The following SLC7A11 variants were observed in gnomAD, a reference collection of about 807,000 sequenced individuals.
SLC7A11 encodes cystine/glutamate transporter.
Under a neutral mutation model 54.5 loss-of-function variants are expected in SLC7A11, and 35 were observed. The ratio of observed to expected loss-of-function variants is 0.64; its 90% CI spans 0.49 to 0.85. The LOEUF is 0.85. Among genes scored for constraint, SLC7A11 ranks in the 40% least tolerant of loss-of-function variants. The pLI, the probability that SLC7A11 is intolerant of heterozygous loss-of-function variation, is 0.00. For synonymous variants in SLC7A11, 230 were observed against 225.2 expected (o/e 1.02, Z -0.19); for missense variants, 583 against 618.1 (o/e 0.94, Z 0.60).
At position 138,228,858 on chromosome 4, in the gene SLC7A11, C is replaced by G. The variant is rs144126991; in HGVS notation, c.520+3409G>C. On this transcript the variant is annotated intron_variant, in intron 3 of 11. Transcript: ENST00000280612. ...AAATCTATAAGATTTTCCATCTTAA[C>G]TTCCACGCACCTGACATGTTTACTG... Among the ~76,000 whole-genome samples the G allele has an allele frequency of 1.3e-3, 202 of 150,116 alleles. 1 individual carries two copies. Among genetic ancestry groups the G allele is most frequent in the East Asian group, 6.3e-3 (32 of 5,072 alleles).
chr4:138,182,643 G>A (rs373169788), intron 8 of SLC7A11, among the ~76,000 whole-genome samples: 1 of 152,066 alleles, frequency 6.6e-6, no homozygotes, highest in African/African-American at 2.4e-5. Flanking sequence ...ACTCAGCATA[G>A]CTCTCTCTAC....
intron 6 of SLC7A11, among the ~76,000 whole-genome samples, chr4:138,206,617 A>G (rs1489899415): frequency 6.6e-6 from 1 of 151,880 alleles, no homozygotes; most frequent in South Asian, 2.1e-4. Flanking sequence ...TTCTTTGATT[A>G]CCCCATGATA....
chr4:138,219,311 C>T lies in SLC7A11; in HGVS notation c.701G>A (p.Arg234Gln), dbSNP rs542538923. ...TCCATAATAAAAAGCCAGTGGCAAC[C>T]GCGTAATACTTGAATCTCTTCCTGA... ...AFSGRDSSIT[R>Q]LPLAFYYGMY... The change falls in exon 5 of 12, where the codon CGG becomes CAG. Residue 234 changes from arginine (R) to glutamine (Q), a missense_variant. By Grantham distance (43) the Arg-to-Gln change is conservative. Transcript: ENST00000280612. 30 of 1,611,264 alleles carry T rather than the reference C, an allele frequency of 1.9e-5. No individual in the cohort carries two copies. Among genetic ancestry groups the T allele is most frequent in the South Asian group, 5.5e-5 (5 of 90,928 alleles).
At chr4:138,228,485 G>T (rs58770357) in intron 3 of SLC7A11, among the ~76,000 whole-genome samples, 2 of 151,874 alleles carry the variant, frequency 1.3e-5, no homozygotes, top group Non-Finnish European at 2.9e-5. Flanking sequence ...CAGGTCGGGC[G>T]CGATGGCTCA....
At chr4:138,197,654 A>G (rs1020172285) in intron 6 of SLC7A11, among the ~76,000 whole-genome samples, 52 of 152,112 alleles carry the variant, frequency 3.4e-4, no homozygotes, top group African/African-American at 1.2e-3. Flanking sequence ...CACTATACAG[A>G]TTCTCTTCAT....
Position 138,211,195 on chromosome 4 carries a change from C to T in SLC7A11, c.791+3390G>A, listed in dbSNP as rs1737539583. Among the ~76,000 whole-genome samples the T allele has an allele frequency of 2.6e-5, 4 of 151,750 alleles. No individual in the cohort carries two copies. In the South Asian group the frequency reaches 8.3e-4, roughly 31 times the overall value. ...ATAATTGGGAGGTAAACATTGGGTA[C>T]TCATGAACACATAGACGGGAACAAT... is the stretch of plus-strand genomic sequence containing the variant. On this transcript the variant is annotated intron_variant, in intron 6 of 11. Coordinates refer to ENST00000280612, the MANE Select transcript of SLC7A11 (RefSeq NM_014331.4).
At chr4:138,205,233 C>T (rs1240503361) in intron 6 of SLC7A11, among the ~76,000 whole-genome samples, 1 of 151,952 alleles carries the variant, frequency 6.6e-6, no homozygotes, top group Non-Finnish European at 1.5e-5. Context: ...TGAACCAGTG[C>T]TATTTTCAAA....
At chr4:138,209,931 G>A (rs1019438896) in intron 6 of SLC7A11, among the ~76,000 whole-genome samples, 1 of 151,848 alleles carries the variant, frequency 6.6e-6, no homozygotes, top group Non-Finnish European at 1.5e-5. Flanking sequence ...AGCCTAAATA[G>A]GCAAAGCAAC....
Position 138,168,994 on chromosome 4 carries a change from A to C in SLC7A11, c.*2962T>G, listed in dbSNP as rs1286424425. On this transcript the variant is annotated 3_prime_UTR_variant, in exon 12 of 12. Transcript: ENST00000280612. The stretch of plus-strand genomic sequence containing the variant: ...AAATCAAGTTGTGTTTTAGCTTTAG[A>C]ATCTTTTAAAATCACAAGTATTTGA... The C allele has an allele frequency of 2.6e-5, 4 of 152,174 alleles. No individual in the cohort carries two copies. Among genetic ancestry groups the C allele is most frequent in the Non-Finnish European group, 5.9e-5 (4 of 68,036 alleles). The allele number at this position is 152,174 out of a possible 1,614,324, so 9.4% of individuals were successfully genotyped here. A position where few individuals can be genotyped will look rare whatever the true frequency, so the allele number is the denominator to read the frequency against.
chr4:138,177,033 A>T (rs1229940742), intron 11 of SLC7A11: 1 of 152,108 alleles, frequency 6.6e-6, no homozygotes, highest in Non-Finnish European at 1.5e-5. Context: ...GTATAGTAAC[A>T]TTTCTTTGGG....
chr4:138,212,042 CAA>C (rs1203934209), intron 6 of SLC7A11, among the ~76,000 whole-genome samples: 1 of 151,638 alleles, frequency 6.6e-6, no homozygotes, highest in Non-Finnish European at 1.5e-5. Context: ...ATTCTCAACA[CAA>C]AAAAAGATAC....
At chr4:138,234,100 C>T (rs143949580) in intron 2 of SLC7A11, among the ~76,000 whole-genome samples, 98 of 152,310 alleles carry the variant, frequency 6.4e-4, no homozygotes, top group African/African-American at 2.3e-3. Context: ...TTTCCTCCCA[C>T]TTGACTCTGA....
Position 138,242,331 on chromosome 4 carries a change from C to T in SLC7A11, c.-262G>A. On this transcript the variant is annotated 5_prime_UTR_variant, in exon 1 of 12. Transcript: ENST00000280612. ...CCACTGCTGCTGCTGCTGCTGCTGC[C>T]GCCCTATCATTACAAACCAGCTCAG... 1 of 510,398 alleles carries T rather than the reference C, an allele frequency of 2.0e-6. No homozygotes were observed. The highest frequency in any genetic ancestry group is 3.6e-5 in the East Asian group (1 of 27,696). The allele number at this position is 510,398 out of a possible 1,614,324, so 31.6% of individuals were successfully genotyped here.
intron 6 of SLC7A11, among the ~76,000 whole-genome samples, chr4:138,209,840 T>C (rs921495139): frequency 2.6e-5 from 4 of 152,082 alleles, no homozygotes; most frequent in Non-Finnish European, 5.9e-5. Flanking sequence ...ACAGGTTCAA[T>C]GCTATTCCTA....
At chr4:138,216,829 T>C (rs1737692378) in intron 5 of SLC7A11, among the ~76,000 whole-genome samples, 1 of 152,194 alleles carries the variant, frequency 6.6e-6, no homozygotes, top group South Asian at 2.1e-4. Context: ...TATCAAACAT[T>C]GTCATAGCAG....
At position 138,180,731 on chromosome 4, in the gene SLC7A11, G is replaced by A. The variant is rs760062053; in HGVS notation, c.1176C>T (p.Leu392=). Residue 392 remains leucine, a synonymous_variant, in exon 10 of 12, where the codon CTC becomes CTT. Coordinates refer to ENST00000280612, the MANE Select transcript of SLC7A11 (RefSeq NM_014331.4). ...SGDLDSLLNF[L]SFARWLFIGL... is the part of the protein sequence containing the mutation. ...CAATAAAAAGCCACCTGGCAAAACT[G>A]AGGAAATTCAAAAGACTGTCGAGGT... 2 of 1,613,040 alleles carry A rather than the reference G, an allele frequency of 1.2e-6. No individual in the cohort carries two copies. The highest frequency in any genetic ancestry group is 8.5e-7 in the Non-Finnish European group (1 of 1,179,442).
chr4:138,173,398 G>T (rs1736485966), intron 11 of SLC7A11, among the ~76,000 whole-genome samples: 1 of 152,042 alleles, frequency 6.6e-6, no homozygotes, highest in Non-Finnish European at 1.5e-5. Context: ...ACTTTGGGAG[G>T]CTGAGGTGGG....
chr4:138,237,864 G>A (rs1489977991), intron 1 of SLC7A11, among the ~76,000 whole-genome samples: 1 of 142,170 alleles, frequency 7.0e-6, no homozygotes, highest in Non-Finnish European at 1.5e-5. Context: ...TGATTCTCCT[G>A]CCTCAGCCTC....
At chr4:138,239,696 C>A (rs1220135405) in intron 1 of SLC7A11, among the ~76,000 whole-genome samples, 2 of 152,038 alleles carry the variant, frequency 1.3e-5, no homozygotes, top group Non-Finnish European at 2.9e-5. Flanking sequence ...TGAGCTTTTG[C>A]TTCAGATGAT....
Sources: allele counts gnomAD v4.1 joint callset (sites outside exome capture counted in the v4.1 genomes callset), GRCh38; gene constraint gnomAD v4.1.1; transcripts MANE v1.5; gene names NCBI Gene and HGNC (gene_info 2026-07-23, HGNC 2026-07-21).